RGSL1: variants seen among roughly 807,000 people sequenced by gnomAD.
RGSL1 encodes regulator of G protein signaling like 1.
A neutral mutation model predicts 124.7 loss-of-function variants in RGSL1; 97 were observed. The ratio of observed to expected loss-of-function variants is 0.78; its 90% CI spans 0.66 to 0.92. The LOEUF (loss-of-function observed/expected upper bound fraction) is 0.92. RGSL1 is among the 40% of genes least tolerant of loss of function. The pLI, the probability that RGSL1 is intolerant of heterozygous loss-of-function variation, is 0.00. For synonymous variants in RGSL1, 424 were observed against 438.1 expected, an observed-to-expected ratio of 0.97 and a Z score of 0.40; for missense variants, 1,233 against 1,288.4, an observed-to-expected ratio of 0.96 and a Z score of 0.66.
At chr1:182,470,533 A>T (rs1195471113) in intron 4 of RGSL1, among the ~76,000 whole-genome samples, 1 of 151,640 alleles carries the variant, frequency 6.6e-6, no homozygotes, top group Non-Finnish European at 1.5e-5. Context: ...CACCTCCTCA[A>T]CCCTTTGTAC....
At chr1:182,502,812 G>C (rs181903033) in intron 9 of RGSL1, among the ~76,000 whole-genome samples, 224 of 150,182 alleles carry the variant, frequency 1.5e-3, no homozygotes, top group African/African-American at 5.2e-3. Context: ...CGCATTTGTA[G>C]GTTTCTTTTT....
At chr1:182,525,909 A>G (rs1218739761) in intron 10 of RGSL1, among the ~76,000 whole-genome samples, 2 of 152,196 alleles carry the variant, frequency 1.3e-5, no homozygotes, top group Admixed American at 6.5e-5. Context: ...TAAAGAGGGC[A>G]TATAATCACT....
intron 15 of RGSL1, among the ~76,000 whole-genome samples, chr1:182,545,831 T>C (rs1467073161): frequency 6.6e-6 from 1 of 152,194 alleles, no homozygotes; most frequent in African/African-American, 2.4e-5. Context: ...CTTCTTTTTC[T>C]GCTTTTAGGA....
At position 182,483,425 on chromosome 1, in the gene RGSL1, T is replaced by G. The variant is rs191145781; in HGVS notation, c.1432-4860T>G. 1.5e-3 allele frequency among the ~76,000 whole-genome samples: 223 copies of G among 152,210 alleles called. 1 individual carries two copies. The highest frequency in any genetic ancestry group is 5.1e-3 in the African/African-American group (212 of 41,544). On this transcript the variant is annotated intron_variant, in intron 6 of 21. Transcript: ENST00000294854. ...AGGTTTTTGTATGTCAATCATACCTTAATAAAGGACTTAAAAATAATTTTA... is the reference window on the plus strand; with the variant it reads ...AGGTTTTTGTATGTCAATCATACCTGAATAAAGGACTTAAAAATAATTTTA...
intron 8 of RGSL1, among the ~76,000 whole-genome samples, chr1:182,491,543 A>T (rs1460021256): frequency 6.6e-6 from 1 of 152,104 alleles, no homozygotes; most frequent in Non-Finnish European, 1.5e-5. Flanking sequence ...GGGAAACATG[A>T]CTTCCAGAAT....
rs1660760683 is a variant in RGSL1 at position 182,554,683 on chromosome 1, C to G, written c.3187C>G (p.Pro1063Ala). ...RLVVSAMQLHPVQGQKLSYIK... is the reference protein window; with the variant it reads ...RLVVSAMQLHAVQGQKLSYIK... ...CGTGGTATCTGCCATGCAGCTGCAT[C>G]CCGTCCAGGGGTAGGCATGAGCTGG... Residue 1063 changes from proline to alanine, a missense_variant, in exon 20 of 22, where the codon CCC becomes GCC. Transcript: ENST00000294854. The G allele has an allele frequency of 1.3e-6, 2 of 1,551,562 alleles. No individual in the cohort carries two copies. Among genetic ancestry groups the G allele is most frequent in the African/African-American group, 2.7e-5 (2 of 73,050 alleles).
rs994004191 is a variant in RGSL1, at chr1:182,458,238, C to T, written c.97-81C>T. 4.0e-6 allele frequency: 4 copies of T among 998,280 alleles called. No homozygotes were observed. In the African/African-American group the frequency reaches 4.9e-5, roughly 12 times the overall value. 61.8% of individuals were successfully genotyped at this position (998,280 alleles called of 1,614,324 possible). On this transcript the variant is annotated intron_variant, in intron 2 of 21. Coordinates refer to ENST00000294854, the MANE Select transcript of RGSL1 (RefSeq NM_001137669.2). ...TAAAAGAGCCATGGAACCTCCCTTC[C>T]TCTGTGGCTGTAGAGGGACTGTGTC...
intron 17 of RGSL1, chr1:182,550,888 C>T: frequency 1.1e-5 from 6 of 551,514 alleles, no homozygotes; most frequent in Non-Finnish European, 1.9e-5. Flanking sequence ...CTGCCCATGC[C>T]AGGCCCGCGC....
chr1:182,458,834 C>T (rs546470471), intron 3 of RGSL1, among the ~76,000 whole-genome samples: 1 of 152,282 alleles, frequency 6.6e-6, no homozygotes, highest in Admixed American at 6.5e-5. Flanking sequence ...CAGAGGGTAA[C>T]TATAGGAGAA....
chr1:182,553,266 C>T (rs1480980801), intron 18 of RGSL1, among the ~76,000 whole-genome samples, 189 bp from the exon 19 acceptor site: 1 of 152,184 alleles, frequency 6.6e-6, no homozygotes, highest in Non-Finnish European at 1.5e-5. Flanking sequence ...TAAATTTCAA[C>T]ATGAGTTTTG....
intron 12 of RGSL1, 120 bp from the exon 13 acceptor site, chr1:182,530,670 T>G (rs1001460759): frequency 2.5e-6 from 3 of 1,179,966 alleles, no homozygotes; most frequent in Middle Eastern, 2.7e-4. Flanking sequence ...TTTTAGTATT[T>G]TACTATTCCC....
rs112486393 is a variant in RGSL1 at position 182,537,458 on chromosome 1, C to G, written c.2495-2789C>G. On this transcript the variant is annotated intron_variant, in intron 14 of 21. Coordinates refer to ENST00000294854, the MANE Select transcript of RGSL1 (RefSeq NM_001137669.2). ...GTATTTCAGATAAAGTATATTCAAC[C>G]CATAGTATAAGAACCTTAAAATAGG... is the stretch of plus-strand genomic sequence containing the variant. Among the ~76,000 whole-genome samples, 1,033 of 152,152 alleles carry G rather than the reference C, an allele frequency of 6.8e-3. 9 individuals are homozygous for G. Among genetic ancestry groups the G allele is most frequent in the Non-Finnish European group, 7.3e-3 (496 of 68,004 alleles).
intron 10 of RGSL1, among the ~76,000 whole-genome samples, chr1:182,526,222 G>A (rs1278074581): frequency 1.3e-5 from 2 of 152,086 alleles, no homozygotes; most frequent in Admixed American, 1.3e-4. Flanking sequence ...AGTAACACTT[G>A]CCAACTTATT....
intron 4 of RGSL1, among the ~76,000 whole-genome samples, chr1:182,466,776 A>G (rs1401695108): frequency 6.6e-6 from 1 of 152,170 alleles, no homozygotes; most frequent in Non-Finnish European, 1.5e-5. Context: ...GATTCATGCA[A>G]TCTCTATCAA....
intron 9 of RGSL1, among the ~76,000 whole-genome samples, chr1:182,511,047 C>T (rs1443892893): frequency 2.6e-5 from 4 of 152,012 alleles, no homozygotes; most frequent in African/African-American, 9.7e-5. Context: ...ATGTTTTCAT[C>T]TAATAGTTTT....
chr1:182,544,538 TTTG>T (rs1271341752), intron 15 of RGSL1, among the ~76,000 whole-genome samples: 5 of 152,024 alleles, frequency 3.3e-5, no homozygotes, highest in Non-Finnish European at 5.9e-5. Context: ...ACTGCAATTT[TTTG>T]TTGTTGTTGA....
rs2102041774 is a variant in RGSL1, at chr1:182,474,269, C to A, written c.1158C>A (p.Asp386Glu). The change falls in exon 6 of 22, where the codon GAC becomes GAA. Residue 386 changes from aspartate (D) to glutamate (E), a missense_variant. By Grantham distance (45) the Asp-to-Glu change is conservative (BLOSUM62 2). Coordinates refer to ENST00000294854, the MANE Select transcript of RGSL1 (RefSeq NM_001137669.2). Reference protein sequence around the residue: ...ADACAGNPFRDHLKKLNLKVE... With the variant: ...ADACAGNPFREHLKKLNLKVE... ...CCTGTGCAGGGAACCCTTTCCGGGACCACCTGAAGAAGCTGAATTTGAAAG... is the reference window on the plus strand; with the variant it reads ...CCTGTGCAGGGAACCCTTTCCGGGAACACCTGAAGAAGCTGAATTTGAAAG... 1.9e-6 allele frequency: 3 copies of A among 1,551,788 alleles called. No individual in the cohort carries two copies. Among genetic ancestry groups the A allele is most frequent in the Non-Finnish European group, 2.6e-6 (3 of 1,147,012 alleles).
chr1:182,481,464 G>A (rs976840905), intron 6 of RGSL1, among the ~76,000 whole-genome samples: 8 of 152,088 alleles, frequency 5.3e-5, no homozygotes, highest in Non-Finnish European at 1.0e-4. Flanking sequence ...CTTCCCAAAA[G>A]AGAAAAACCA....
At chr1:182,460,711 T>A (rs1208795010) in intron 4 of RGSL1, 2 of 456,086 alleles carry the variant, frequency 4.4e-6, no homozygotes, top group Non-Finnish European at 8.8e-6. Flanking sequence ...ACTAGGAATC[T>A]GTTTCCTCAT....
Sources: allele counts gnomAD v4.1 joint callset (sites outside exome capture counted in the v4.1 genomes callset), GRCh38; gene constraint gnomAD v4.1.1; transcripts MANE v1.5; gene names NCBI Gene and HGNC (gene_info 2026-07-23, HGNC 2026-07-21).